FARP1: variants seen among roughly 807,000 people sequenced by gnomAD.
FARP1 encodes the protein FERM, ARH/RhoGEF and pleckstrin domain protein 1, also known as FERM, ARHGEF and pleckstrin domain-containing protein 1.
Under a neutral mutation model 128.8 loss-of-function variants are expected in FARP1, and 52 were observed. That is an observed-to-expected ratio of 0.40 (90% CI 0.32 to 0.51). The LOEUF (loss-of-function observed/expected upper bound fraction) is 0.51. FARP1 is among the 20% of genes least tolerant of loss of function. The probability of loss-of-function intolerance (pLI) is 0.45; values close to 1 mark genes in which losing one functional copy is unlikely to be tolerated. For synonymous variants in FARP1, 580 were observed against 551.8 expected (o/e 1.05, Z -0.72); for missense variants, 1,333 against 1,367.9 (o/e 0.97, Z 0.40).
intron 2 of FARP1, among the ~76,000 whole-genome samples, chr13:98,254,624 T>C (rs1251854980): frequency 6.6e-6 from 1 of 151,834 alleles, no homozygotes; most frequent in Non-Finnish European, 1.5e-5. Flanking sequence ...TGCATGGCGG[T>C]GTAGCCTGGC....
At position 98,449,086 on chromosome 13, in the gene FARP1, A is replaced by AAT. The variant is rs1893053706; in HGVS notation, c.*771_*772dup. 6.6e-6 allele frequency: 1 copy of AAT among 152,234 alleles called. No individual in the cohort carries two copies. Among genetic ancestry groups the AAT allele is most frequent in the East Asian group, 1.9e-4 (1 of 5,192 alleles). 9.4% of individuals were successfully genotyped at this position (152,234 alleles called of 1,614,324 possible). On this transcript the variant is annotated 3_prime_UTR_variant, in exon 27 of 27. Transcript: ENST00000319562. Reference sequence around the variant, plus strand: ...TGAGTGGTGTACACAATGGGAAGATAATAAGCCGTGGTGTTTTGCTGTCTG... The same window carrying AAT: ...TGAGTGGTGTACACAATGGGAAGATAATATAAGCCGTGGTGTTTTGCTGTCTG...
intron 14 of FARP1, among the ~76,000 whole-genome samples, chr13:98,410,091 G>A (rs1443310172): frequency 6.6e-6 from 1 of 152,238 alleles, no homozygotes; most frequent in Admixed American, 6.5e-5. Flanking sequence ...GAAGTCTGTT[G>A]TGTGTACACC....
At chr13:98,384,440 G>A (rs1159485476) in intron 6 of FARP1, 28 of 390,366 alleles carry the variant, frequency 7.2e-5, no homozygotes, top group South Asian at 1.3e-4. Flanking sequence ...TGATCCACCC[G>A]TCCTGGACTC....
intron 2 of FARP1, among the ~76,000 whole-genome samples, chr13:98,337,589 T>C (rs991410308): frequency 8.4e-5 from 9 of 107,044 alleles, no homozygotes; most frequent in African/African-American, 2.4e-4. Context: ...GTGTGTGTGT[T>C]TTGAAATAAG....
chr13:98,420,566 C>T (rs1891556855), intron 16 of FARP1, among the ~76,000 whole-genome samples: 1 of 152,144 alleles, frequency 6.6e-6, no homozygotes, highest in Non-Finnish European at 1.5e-5. Context: ...TGTAGTTGCT[C>T]CTGGGAGTAA....
intron 2 of FARP1, among the ~76,000 whole-genome samples, chr13:98,315,888 A>G (rs1294088859): frequency 7.2e-5 from 11 of 152,202 alleles, no homozygotes; most frequent in Non-Finnish European, 5.9e-5. Context: ...AATAGCTCCT[A>G]GAACTTCACA....
rs34189700 is a variant in FARP1 at position 98,347,125 on chromosome 13, TCCC to T, written c.276+3261_276+3263del. ...AGAATCGTAAGCACCAGCTGGATTT[TCCC>T]CTCTGCCCCAGACACAGTTGCTTGA... is the stretch of plus-strand genomic sequence containing the variant. On this transcript the variant is annotated intron_variant, in intron 3 of 26. Transcript: ENST00000319562. Among the ~76,000 whole-genome samples the T allele has an allele frequency of 5.9e-5, 9 of 152,296 alleles. No homozygotes were observed. The East Asian group carries it at 1.7e-3, about 29-fold the overall frequency.
chr13:98,150,809 A>G (rs911556214), intron 1 of FARP1, among the ~76,000 whole-genome samples: 3 of 152,180 alleles, frequency 2.0e-5, no homozygotes, highest in African/African-American at 7.2e-5. Flanking sequence ...ATAAGCAAAA[A>G]AGTGTTTAAG....
chr13:98,223,256 T>G (rs1462759644), intron 2 of FARP1, among the ~76,000 whole-genome samples: 2 of 152,248 alleles, frequency 1.3e-5, no homozygotes, highest in African/African-American at 4.8e-5. Context: ...AATGTTTTAC[T>G]TGAAATAATG....
intron 1 of FARP1, among the ~76,000 whole-genome samples, chr13:98,185,987 C>T (rs182366552): frequency 3.9e-5 from 6 of 152,254 alleles, no homozygotes; most frequent in Non-Finnish European, 7.4e-5. Context: ...CGTGAGCCAC[C>T]GCGTCCGGCC....
At chr13:98,372,701 A>G (rs7338676) in intron 5 of FARP1, among the ~76,000 whole-genome samples, 28,728 of 152,162 alleles carry the variant, frequency 0.19, 2,897 homozygotes, top group Middle Eastern at 0.26. Context: ...TGGGTGTGAC[A>G]TGTGACTCTT....
intron 2 of FARP1, among the ~76,000 whole-genome samples, chr13:98,265,468 C>T (rs9556920): frequency 0.42 from 63,278 of 149,372 alleles, 14,107 homozygotes; most frequent in South Asian, 0.57. Context: ...TACAGGCGCC[C>T]GCCACTACGC....
At chr13:98,203,606 C>A (rs545424562) in intron 1 of FARP1, among the ~76,000 whole-genome samples, 11 of 152,278 alleles carry the variant, frequency 7.2e-5, no homozygotes, top group African/African-American at 2.6e-4. Context: ...GAACAATATT[C>A]CCTGGTATGG....
At chr13:98,388,266 C>G (rs1274916131) in intron 8 of FARP1, 117 bp from the exon 9 acceptor site, 1 of 695,732 alleles carries the variant, frequency 1.4e-6, no homozygotes, top group African/African-American at 1.8e-5. Flanking sequence ...CAAAAGTCAT[C>G]TCTACTGAGC....
intron 2 of FARP1, among the ~76,000 whole-genome samples, chr13:98,261,191 T>G (rs1883862961): frequency 6.6e-6 from 1 of 152,192 alleles, no homozygotes; most frequent in Admixed American, 6.5e-5. Context: ...CATGCTTTGC[T>G]TTTCTAGGTG....
intron 1 of FARP1, among the ~76,000 whole-genome samples, chr13:98,148,015 A>G (rs1390737945): frequency 6.6e-6 from 1 of 152,112 alleles, no homozygotes; most frequent in African/African-American, 2.4e-5. Flanking sequence ...TTTTGTTTTC[A>G]TTTCATTCTA....
chr13:98,341,268 C>T (rs534898844), intron 2 of FARP1, among the ~76,000 whole-genome samples: 1 of 152,210 alleles, frequency 6.6e-6, no homozygotes, highest in South Asian at 2.1e-4. Context: ...CTCCTGCTGT[C>T]ACTCAGTCTC....
intron 1 of FARP1, among the ~76,000 whole-genome samples, chr13:98,192,204 G>A (rs1019575918): frequency 1.3e-5 from 2 of 152,070 alleles, no homozygotes; most frequent in African/African-American, 4.8e-5. Flanking sequence ...CTACAGTTTG[G>A]TTAACCTTTC....
At chr13:98,247,965 C>T (rs1278993971) in intron 2 of FARP1, among the ~76,000 whole-genome samples, 2 of 152,132 alleles carry the variant, frequency 1.3e-5, no homozygotes, top group Admixed American at 6.5e-5. Flanking sequence ...TCAGAAGAGT[C>T]GCAGATTCCT....
Sources: gnomAD v4.1 joint callset for allele counts (sites outside exome capture counted in the v4.1 genomes callset) on GRCh38, gnomAD v4.1.1 for gene constraint, MANE v1.5 for transcripts, NCBI Gene and HGNC (gene_info 2026-07-23, HGNC 2026-07-21) for gene names.